The following LINGO2 variants were observed in gnomAD, a reference collection of about 807,000 sequenced individuals.
LINGO2 encodes leucine-rich repeat and immunoglobulin-like domain-containing nogo receptor-interacting protein 2.
Under a neutral mutation model 30.6 loss-of-function variants are expected in LINGO2, and 14 were observed. The observed-to-expected ratio is 0.46, with a 90% CI of 0.30 to 0.72. LINGO2 has a LOEUF of 0.72. LINGO2 is among the 30% of genes least tolerant of loss of function. The pLI is 0.07. For missense variants in LINGO2, 729 were observed against 751.7 expected, an observed-to-expected ratio of 0.97 and a Z score of 0.35; for synonymous variants, 317 against 288.5, an observed-to-expected ratio of 1.10 and a Z score of -1.00.
the LINGO2 span, among the ~76,000 whole-genome samples, chr9:28,780,933 T>C: frequency 3.3e-5 from 5 of 151,830 alleles, no homozygotes; most frequent in Non-Finnish European, 7.4e-5. Flanking sequence ...TTGACGTTTA[T>C]TTGAAATTTT....
intron 4 of LINGO2, among the ~76,000 whole-genome samples, chr9:28,223,499 C>T (rs920673136): frequency 2.0e-5 from 3 of 152,212 alleles, no homozygotes; most frequent in Middle Eastern, 3.2e-3. Flanking sequence ...TAAGTTTCAT[C>T]ACCCAAATTT....
chr9:28,066,572 A>AT (rs897834926), intron 4 of LINGO2, among the ~76,000 whole-genome samples: 1 of 152,110 alleles, frequency 6.6e-6, no homozygotes, highest in Non-Finnish European at 1.5e-5. Flanking sequence ...CTCTTTCCAC[A>AT]TTAGGCTCAA....
the LINGO2 span, among the ~76,000 whole-genome samples, chr9:28,778,160 T>C: frequency 1.3e-5 from 2 of 152,182 alleles, no homozygotes; most frequent in African/African-American, 4.8e-5. Context: ...AGTTCCTTCA[T>C]TGGGTTAATT....
At chr9:28,977,895 C>T in the LINGO2 span, among the ~76,000 whole-genome samples, 5 of 152,244 alleles carry the variant, frequency 3.3e-5, no homozygotes, top group East Asian at 9.7e-4. Flanking sequence ...TGTCTTGAAA[C>T]AAAGCCTTCT....
chr9:28,527,442 CT>C (rs746823874), intron 1 of LINGO2, among the ~76,000 whole-genome samples: 39 of 152,166 alleles, frequency 2.6e-4, no homozygotes, highest in Non-Finnish European at 4.0e-4. Flanking sequence ...GGCCTTTCTT[CT>C]CTGATCATAT....
chr9:28,292,605 G>C (rs1337038331), intron 4 of LINGO2, among the ~76,000 whole-genome samples: 1 of 151,912 alleles, frequency 6.6e-6, no homozygotes, highest in African/African-American at 2.4e-5. Context: ...TGGGATTACA[G>C]GTGTCTGCTA....
At chr9:28,405,396 GTCT>G (rs1453136324) in intron 2 of LINGO2, among the ~76,000 whole-genome samples, 1 of 152,054 alleles carries the variant, frequency 6.6e-6, no homozygotes, top group East Asian at 1.9e-4. Context: ...CTTCATTCCT[GTCT>G]TCTCAGGGGA....
intron 4 of LINGO2, among the ~76,000 whole-genome samples, chr9:28,036,653 CAACCT>C (rs1012392514): frequency 6.6e-5 from 10 of 152,166 alleles, no homozygotes; most frequent in African/African-American, 2.4e-4. Flanking sequence ...AAGATTGGTG[CAACCT>C]AACCTGAGTT....
At chr9:28,895,219 G>T in the LINGO2 span, among the ~76,000 whole-genome samples, 5 of 152,148 alleles carry the variant, frequency 3.3e-5, no homozygotes, top group African/African-American at 1.2e-4. Flanking sequence ...AACAGTGCAG[G>T]TTTAATAGAC....
chr9:28,463,456 C>T (rs1825166433), intron 2 of LINGO2, among the ~76,000 whole-genome samples: 2 of 151,840 alleles, frequency 1.3e-5, no homozygotes, highest in Non-Finnish European at 2.9e-5. Context: ...TCCAATTTTG[C>T]CCATGGATAG....
At chr9:28,367,385 A>G (rs906334802) in intron 3 of LINGO2, among the ~76,000 whole-genome samples, 1 of 151,940 alleles carries the variant, frequency 6.6e-6, no homozygotes, top group African/African-American at 2.4e-5. Flanking sequence ...TTCTTTCTAT[A>G]TTTTTGCTGC....
chr9:28,056,857 C>G (rs988662676), intron 4 of LINGO2, among the ~76,000 whole-genome samples: 1 of 152,002 alleles, frequency 6.6e-6, no homozygotes, highest in African/African-American at 2.4e-5. Context: ...TCAGTTCATG[C>G]TTTTTTAAAA....
chr9:28,927,444 G>A, the LINGO2 span, among the ~76,000 whole-genome samples: 2 of 152,148 alleles, frequency 1.3e-5, no homozygotes. Context: ...CTACTCCTTA[G>A]ATGAAGAGCT....
the LINGO2 span, among the ~76,000 whole-genome samples, chr9:29,084,355 C>G: frequency 6.6e-6 from 1 of 152,028 alleles, no homozygotes; most frequent in Admixed American, 6.6e-5. Flanking sequence ...CCATGACTGT[C>G]TTGAACAGAC....
chr9:28,086,627 T>C (rs1247267337), intron 4 of LINGO2, among the ~76,000 whole-genome samples: 1 of 151,828 alleles, frequency 6.6e-6, no homozygotes, highest in African/African-American at 2.4e-5. Context: ...AATTTATATA[T>C]GTCAGAAAAC....
At chr9:29,190,742 A>G in the LINGO2 span, among the ~76,000 whole-genome samples, 12 of 152,220 alleles carry the variant, frequency 7.9e-5, no homozygotes, top group African/African-American at 2.9e-4. Flanking sequence ...CCTTTGTTCA[A>G]AATTTCCATA....
chr9:29,062,591 A>G, the LINGO2 span, among the ~76,000 whole-genome samples: 1 of 152,180 alleles, frequency 6.6e-6, no homozygotes, highest in Non-Finnish European at 1.5e-5. Flanking sequence ...CCACAAAATG[A>G]CAAATTGTAC....
At chr9:28,381,998 G>T (rs1174577221) in intron 2 of LINGO2, among the ~76,000 whole-genome samples, 1 of 151,952 alleles carries the variant, frequency 6.6e-6, no homozygotes, top group Non-Finnish European at 1.5e-5. Context: ...CCAAGTCTTT[G>T]GATACAGATG....
At chr9:28,924,131 A>G in the LINGO2 span, among the ~76,000 whole-genome samples, 1 of 152,186 alleles carries the variant, frequency 6.6e-6, no homozygotes, top group African/African-American at 2.4e-5. Flanking sequence ...CCTGTGTACT[A>G]TACTTTAACT....
Sources: allele counts gnomAD v4.1 joint callset (sites outside exome capture counted in the v4.1 genomes callset), GRCh38; gene constraint gnomAD v4.1.1; transcripts MANE v1.5; gene names NCBI Gene and HGNC (gene_info 2026-07-23, HGNC 2026-07-21).